SGCD: variants seen among roughly 807,000 people sequenced by gnomAD.
The protein encoded by SGCD is sarcoglycan delta.
SGCD carries 18 observed loss-of-function variants against 36.6 expected under a neutral mutation model. The ratio of observed to expected loss-of-function variants is 0.49; its 90% CI spans 0.34 to 0.73. The LOEUF (loss-of-function observed/expected upper bound fraction) is 0.73. SGCD is among the 30% of genes least tolerant of loss of function. The pLI is 0.01. For missense variants in SGCD, 387 were observed against 346.7 expected, an observed-to-expected ratio of 1.12 and a Z score of -0.92; for synonymous variants, 133 against 130.6, an observed-to-expected ratio of 1.02 and a Z score of -0.12.
intron 1 of SGCD, among the ~76,000 whole-genome samples, chr5:156,093,439 G>A (rs1319104980): frequency 2.0e-5 from 3 of 152,180 alleles, no homozygotes; most frequent in Non-Finnish European, 2.9e-5. Context: ...GAATTCTTCA[G>A]ATCATCTGGA....
At chr5:156,221,447 A>G (rs1364546655) in intron 3 of SGCD, among the ~76,000 whole-genome samples, 1 of 152,090 alleles carries the variant, frequency 6.6e-6, no homozygotes, top group Admixed American at 6.6e-5. Context: ...TAGCTTCGCT[A>G]TTCCTGAGTA....
chr5:156,089,052 A>G (rs1446580832), intron 1 of SGCD, among the ~76,000 whole-genome samples: 1 of 152,202 alleles, frequency 6.6e-6, no homozygotes, highest in Non-Finnish European at 1.5e-5. Flanking sequence ...ACAGGTAAAG[A>G]AGCTCATCTG....
chr5:156,601,316 A>G (rs1371416420), intron 6 of SGCD, among the ~76,000 whole-genome samples: 1 of 152,182 alleles, frequency 6.6e-6, no homozygotes, highest in East Asian at 1.9e-4. Flanking sequence ...TTTTATATAT[A>G]GTGAGAGGTA....
chr5:155,841,724 A>C, the SGCD span, among the ~76,000 whole-genome samples: 1 of 152,066 alleles, frequency 6.6e-6, no homozygotes, highest in Non-Finnish European at 1.5e-5. Flanking sequence ...CCCATTTTAT[A>C]GGTTTTGTAG....
intron 3 of SGCD, among the ~76,000 whole-genome samples, chr5:156,152,394 G>A (rs1160921003): frequency 1.3e-5 from 2 of 151,560 alleles, no homozygotes; most frequent in Admixed American, 6.6e-5. Flanking sequence ...TCCTGATTCT[G>A]TACATAAGTC....
chr5:156,559,670 C>T (rs1759191320), intron 4 of SGCD, among the ~76,000 whole-genome samples: 2 of 152,092 alleles, frequency 1.3e-5, no homozygotes, highest in South Asian at 2.1e-4. Flanking sequence ...TCTAAGGATA[C>T]CTTGAGAATT....
chr5:156,298,919 T>C (rs1187145155), intron 3 of SGCD, among the ~76,000 whole-genome samples: 1 of 152,218 alleles, frequency 6.6e-6, no homozygotes, highest in Admixed American at 6.5e-5. Context: ...ATTGATTGTT[T>C]TGACATGCAG....
At chr5:156,503,701 T>C (rs1410565636) in intron 3 of SGCD, among the ~76,000 whole-genome samples, 1 of 152,154 alleles carries the variant, frequency 6.6e-6, no homozygotes, top group Non-Finnish European at 1.5e-5. Flanking sequence ...ATTTGCTCAC[T>C]TGTAAAAGAA....
intron 3 of SGCD, among the ~76,000 whole-genome samples, chr5:156,504,107 G>A (rs1269313552): frequency 6.6e-6 from 1 of 151,792 alleles, no homozygotes; most frequent in African/African-American, 2.4e-5. Flanking sequence ...AGGAGGCTGA[G>A]GTAGGAGAAT....
At chr5:156,319,699 A>G (rs951143986) in intron 3 of SGCD, among the ~76,000 whole-genome samples, 8 of 152,312 alleles carry the variant, frequency 5.3e-5, no homozygotes, top group African/African-American at 1.7e-4. Context: ...GAAAATGGGA[A>G]TCTTTTGCCC....
chr5:156,531,053 G>A (rs563461558), intron 4 of SGCD, among the ~76,000 whole-genome samples: 1 of 152,282 alleles, frequency 6.6e-6, no homozygotes, highest in South Asian at 2.1e-4. Context: ...AAGAGGCGGG[G>A]CCTTTAGGAA....
At chr5:156,210,915 T>G (rs1463269647) in intron 3 of SGCD, among the ~76,000 whole-genome samples, 1 of 151,940 alleles carries the variant, frequency 6.6e-6, no homozygotes, top group Non-Finnish European at 1.5e-5. Flanking sequence ...AATAGAAAAC[T>G]TTATAAATCT....
chr5:155,881,323 T>TAAATAAATAAATAAATAAATAAAG (rs942789932), intron 1 of SGCD, among the ~76,000 whole-genome samples: 5 of 151,400 alleles, frequency 3.3e-5, no homozygotes, highest in South Asian at 2.1e-4. Flanking sequence ...AATAAATAAA[T>TAAATAAATAAATAAATAAATAAAG]AAAGAATATA....
chr5:156,574,532 A>G (rs572517471), intron 4 of SGCD, among the ~76,000 whole-genome samples: 5 of 152,130 alleles, frequency 3.3e-5, no homozygotes, highest in African/African-American at 4.8e-5. Context: ...ATGTTAATTC[A>G]GGGCTCTGTG....
intron 1 of SGCD, among the ~76,000 whole-genome samples, chr5:155,960,619 C>A (rs976378679): frequency 6.6e-6 from 1 of 152,058 alleles, no homozygotes; most frequent in Admixed American, 6.6e-5. Context: ...AAAGGAGAGG[C>A]CTTTCAAAGA....
chr5:156,126,166 C>A (rs980868502), intron 3 of SGCD, among the ~76,000 whole-genome samples: 2 of 152,104 alleles, frequency 1.3e-5, no homozygotes, highest in Non-Finnish European at 2.9e-5. Flanking sequence ...CAGGCATGAG[C>A]CACCATGCCC....
the SGCD span, among the ~76,000 whole-genome samples, chr5:155,774,156 C>T: frequency 6.6e-6 from 1 of 152,196 alleles, no homozygotes; most frequent in East Asian, 1.9e-4. Context: ...TGGATTTTAA[C>T]TTGGCTCAAA....
intron 1 of SGCD, among the ~76,000 whole-genome samples, chr5:156,047,543 G>T (rs1175393230): frequency 2.0e-5 from 3 of 152,074 alleles, no homozygotes; most frequent in Non-Finnish European, 4.4e-5. Flanking sequence ...AATCTACTCT[G>T]CCTATGCCCT....
intron 7 of SGCD, among the ~76,000 whole-genome samples, chr5:156,699,077 G>A (rs1754431337): frequency 6.6e-6 from 1 of 152,112 alleles, no homozygotes; most frequent in Non-Finnish European, 1.5e-5. Context: ...GTGGCATCCC[G>A]TGACTCTACC....
Sources: gnomAD v4.1 joint callset for allele counts (sites outside exome capture counted in the v4.1 genomes callset) on GRCh38, gnomAD v4.1.1 for gene constraint, MANE v1.5 for transcripts, NCBI Gene and HGNC (gene_info 2026-07-23, HGNC 2026-07-21) for gene names.